Variants in VPS13D observed in about 807,000 individuals in gnomAD.
VPS13D encodes the protein intermembrane lipid transfer protein VPS13D.
Under a neutral mutation model 461.9 loss-of-function variants are expected in VPS13D, and 187 were observed. The observed-to-expected ratio is 0.40, with a 90% CI of 0.36 to 0.46. The LOEUF is 0.46. Ranked by LOEUF, VPS13D falls within the 20% of genes least tolerant of loss-of-function variation. The probability of loss-of-function intolerance (pLI) is 0.60; values close to 1 mark genes in which losing one functional copy is unlikely to be tolerated. For synonymous variants in VPS13D, 1,951 were observed against 1,986.3 expected (o/e 0.98, Z 0.47); for missense variants, 4,711 against 5,364.9 (o/e 0.88, Z 3.81).
intron 26 of VPS13D, among the ~76,000 whole-genome samples, chr1:12,305,814 T>G (rs1277407485): frequency 6.6e-6 from 1 of 152,096 alleles, no homozygotes; most frequent in African/African-American, 2.4e-5. Flanking sequence ...GTCCTAGAGG[T>G]GACAGGAAAG....
At chr1:12,427,823 G>A (rs1157495217) in intron 65 of VPS13D, among the ~76,000 whole-genome samples, 1 of 152,148 alleles carries the variant, frequency 6.6e-6, no homozygotes, top group Non-Finnish European at 1.5e-5. Context: ...TTATAGTTGG[G>A]TTTTCCAATG....
At chr1:12,369,389 C>A in intron 53 of VPS13D, 78 bp from the exon 54 acceptor site, 1 of 1,317,136 alleles carries the variant, frequency 7.6e-7, no homozygotes, top group Non-Finnish European at 1.1e-6. Flanking sequence ...GGAACTTAAA[C>A]CTACAAAGCA....
At chr1:12,349,412 T>A in intron 46 of VPS13D, 38 bp downstream of exon 46, 2 of 1,385,962 alleles carry the variant, frequency 1.4e-6, no homozygotes. Flanking sequence ...CACTTTTGCC[T>A]TTTTTTTTTC....
chr1:12,343,523 T>C (rs1330144785), intron 42 of VPS13D, among the ~76,000 whole-genome samples: 1 of 152,024 alleles, frequency 6.6e-6, no homozygotes, highest in Non-Finnish European at 1.5e-5. Context: ...TAAATCAGTG[T>C]TTCCTTTTAT....
rs758295336 is a variant in VPS13D, at chr1:12,342,927, G to A, written c.8761G>A (p.Gly2921Arg). 6.2e-7 allele frequency: 1 copy of A among 1,613,572 alleles called. No individual in the cohort carries two copies. The change falls in exon 42 of 70, where the codon GGG becomes AGG. Residue 2921 changes from glycine (G) to arginine (R), a missense_variant. Coordinates refer to ENST00000620676, the MANE Select transcript of VPS13D (RefSeq NM_015378.4). The stretch of plus-strand genomic sequence containing the variant: ...TGCACTCTCTCACAGTGGGAGTCCA[G>A]GGGTAGTTCCAGAAGGGAACGGAAC... Reference protein sequence around the residue: ...RAALSHSGSPGVVPEGNGTFL... With the variant: ...RAALSHSGSPRVVPEGNGTFL...
intron 68 of VPS13D, chr1:12,499,468 T>G: frequency 4.1e-6 from 4 of 985,410 alleles, no homozygotes; most frequent in Non-Finnish European, 4.8e-6. Flanking sequence ...ACTGTGAAAT[T>G]TGTTTGCAAT....
At chr1:12,368,264 G>A (rs1340467466) in intron 52 of VPS13D, among the ~76,000 whole-genome samples, 2 of 152,120 alleles carry the variant, frequency 1.3e-5, no homozygotes, top group Non-Finnish European at 2.9e-5. Flanking sequence ...TGAGGAAATG[G>A]GAGAATTAGA....
Position 12,292,262 on chromosome 1 carries a change from C to CAAAAAAA in VPS13D, c.5852+1156_5852+1162dup, listed in dbSNP as rs766212937. Among the ~76,000 whole-genome samples the CAAAAAAA allele has an allele frequency of 8.2e-3, 100 of 12,238 alleles. 4 individuals are homozygous for CAAAAAAA. The highest frequency in any genetic ancestry group is 0.045 in the Middle Eastern group (1 of 22). 8.0% of individuals were successfully genotyped at this position (12,238 alleles called of 152,430 possible). ...GGGTGACAAGAGCGAAACTCCATCT[C>CAAAAAAA]AAAAAAAAAAAAAAAAAAAAAAAAG... On this transcript the variant is annotated intron_variant, in intron 23 of 69. Transcript: ENST00000620676.
In VPS13D at chr1:12,507,214, A is replaced by C. The variant is rs755780702; in HGVS notation, c.13035+121A>C. ...AGGTTGAGGCTGGGCCCTTCCCAGG[A>C]GTGCTGCCTCTCAGTCCTGAACATG... On this transcript the variant is annotated intron_variant, in intron 69 of 69. Coordinates refer to ENST00000620676, the MANE Select transcript of VPS13D (RefSeq NM_015378.4). This position sits in a 1 kb window ranked among gnomAD's most constrained non-coding sequence, Gnocchi z 5.3. 2 of 1,556,504 alleles carry C rather than the reference A, an allele frequency of 1.3e-6. No individual in the cohort carries two copies. Among genetic ancestry groups the C allele is most frequent in the Admixed American group, 3.3e-5 (2 of 59,938 alleles).
chr1:12,466,646 T>C (rs1402086558), intron 67 of VPS13D, among the ~76,000 whole-genome samples: 2 of 152,190 alleles, frequency 1.3e-5, no homozygotes, highest in Non-Finnish European at 2.9e-5. Flanking sequence ...TCCGGTACGC[T>C]GTAGTAGCAT....
chr1:12,356,168 G>A, intron 48 of VPS13D, 78 bp downstream of exon 48: 1 of 1,497,136 alleles, frequency 6.7e-7, no homozygotes, highest in Non-Finnish European at 9.0e-7. Flanking sequence ...CTAACTAAAT[G>A]GAGCCAATGC....
chr1:12,372,070 A>G (rs948024216), intron 54 of VPS13D, among the ~76,000 whole-genome samples: 1 of 151,614 alleles, frequency 6.6e-6, no homozygotes, highest in East Asian at 1.9e-4. Context: ...TTTTATTTCT[A>G]TTTTTGAGAC....
At chr1:12,402,429 G>A (rs1175621378) in intron 62 of VPS13D, 7 of 152,136 alleles carry the variant, frequency 4.6e-5, no homozygotes, top group African/African-American at 1.7e-4. Context: ...TAAATATTGA[G>A]CCTGAAGAAA....
At chr1:12,358,644 C>T (rs10864552) in intron 50 of VPS13D, 43 bp downstream of exon 50, 137,429 of 1,606,310 alleles carry the variant, frequency 0.086, 6,572 homozygotes, top group Middle Eastern at 0.1. Context: ...AACCATTGGC[C>T]GATGACCTCA....
At chr1:12,322,480 T>G (rs1051848730) in intron 33 of VPS13D, 56 bp from the exon 34 acceptor site, 5 of 1,527,164 alleles carry the variant, frequency 3.3e-6, no homozygotes, top group Non-Finnish European at 4.5e-6. Flanking sequence ...GTAAGAGATA[T>G]GGATGTAAAA....
intron 65 of VPS13D, among the ~76,000 whole-genome samples, chr1:12,433,397 G>T (rs559847129): frequency 6.6e-6 from 1 of 152,290 alleles, no homozygotes; most frequent in Admixed American, 6.5e-5. Flanking sequence ...CCTCACTTGG[G>T]TTCAGACCCT....
intron 57 of VPS13D, among the ~76,000 whole-genome samples, chr1:12,381,927 TTTCTTTCTTTCTTTCTTTCTTTCTTTC>T (rs1644281118): frequency 7.0e-5 from 2 of 28,744 alleles, no homozygotes; most frequent in African/African-American, 1.5e-4. Flanking sequence ...TTTTCTTTTC[TTTCTTTCTTTCTTTCTTTCTTTCTTTC>T]TTTCTTTCTT....
At chr1:12,435,156 T>G (rs1174585166) in intron 65 of VPS13D, among the ~76,000 whole-genome samples, 3 of 152,118 alleles carry the variant, frequency 2.0e-5, no homozygotes, top group African/African-American at 7.2e-5. Flanking sequence ...GATTGCCCAG[T>G]TGAAATAAGT....
At chr1:12,396,792 T>G (rs1011566613) in intron 60 of VPS13D, among the ~76,000 whole-genome samples, 1 of 152,248 alleles carries the variant, frequency 6.6e-6, no homozygotes, top group Non-Finnish European at 1.5e-5. Flanking sequence ...TATTTATTTG[T>G]GCACAGATAG....
Sources: gnomAD v4.1 joint callset for allele counts (sites outside exome capture counted in the v4.1 genomes callset) on GRCh38, gnomAD v4.1.1 for gene constraint, Gnocchi (gnomAD v3.1) non-coding constraint, MANE v1.5 for transcripts, NCBI Gene and HGNC (gene_info 2026-07-23, HGNC 2026-07-21) for gene names.